SYNPR: variants seen among roughly 807,000 people sequenced by gnomAD.
The protein encoded by SYNPR is synaptoporin.
Under a neutral mutation model 32.9 loss-of-function variants are expected in SYNPR, and 23 were observed. That is an observed-to-expected ratio of 0.70 (90% CI 0.50 to 0.99). SYNPR has a LOEUF of 0.99. Among genes scored for constraint, SYNPR ranks in the 50% least tolerant of loss-of-function variants. SYNPR has a pLI of 0.00. For missense variants in SYNPR, 318 were observed against 349.3 expected, an observed-to-expected ratio of 0.91 and a Z score of 0.71; for synonymous variants, 146 against 135.9, an observed-to-expected ratio of 1.07 and a Z score of -0.52.
intron 2 of SYNPR, among the ~76,000 whole-genome samples, chr3:63,454,624 G>T (rs909840745): frequency 1.3e-5 from 2 of 152,094 alleles, no homozygotes; most frequent in African/African-American, 4.8e-5. Context: ...GGATGTGGGA[G>T]ACACAGACAA....
intron 3 of SYNPR, among the ~76,000 whole-genome samples, chr3:63,550,969 G>A (rs370662619): frequency 1.3e-5 from 2 of 151,992 alleles, no homozygotes; most frequent in Non-Finnish European, 2.9e-5. Flanking sequence ...CATGTGTTAC[G>A]CCCTTTGCCT....
At chr3:63,594,644 G>A (rs1019054751) in intron 4 of SYNPR, among the ~76,000 whole-genome samples, 1 of 152,044 alleles carries the variant, frequency 6.6e-6, no homozygotes, top group Non-Finnish European at 1.5e-5. Flanking sequence ...ACCCCAAAAG[G>A]GTTGTTAGGA....
At chr3:63,444,304 A>G (rs1407008535) in intron 2 of SYNPR, 2 of 152,206 alleles carry the variant, frequency 1.3e-5, no homozygotes, top group Non-Finnish European at 2.9e-5. Context: ...TCGAGAGTAA[A>G]AGATGCTCTG....
rs542595942 is a variant in SYNPR, at chr3:63,295,176, G to A, written c.84+16434G>A. Among the ~76,000 whole-genome samples the A allele has an allele frequency of 2.6e-5, 4 of 152,242 alleles. No individual in the cohort carries two copies. The East Asian group carries it at 7.7e-4, about 29-fold the overall frequency. ...TCGCTTAGCCTCTGCCTCACATATTGCTATTTTGGGCTATGTCGGCCTCCC... is the reference window on the plus strand; with the variant it reads ...TCGCTTAGCCTCTGCCTCACATATTACTATTTTGGGCTATGTCGGCCTCCC... On this transcript the variant is annotated intron_variant, in intron 2 of 5. Coordinates refer to ENST00000478300, the MANE Select transcript of SYNPR (RefSeq NM_001130003.2).
intron 3 of SYNPR, among the ~76,000 whole-genome samples, chr3:63,511,552 A>G (rs550012636): frequency 6.6e-6 from 1 of 152,294 alleles, no homozygotes; most frequent in South Asian, 2.1e-4. Flanking sequence ...GAGAACTAGG[A>G]CGAGCTTGTG....
intron 2 of SYNPR, among the ~76,000 whole-genome samples, chr3:63,371,037 C>A (rs1313688791): frequency 1.3e-5 from 2 of 152,124 alleles, no homozygotes; most frequent in East Asian, 3.9e-4. Context: ...TTCAGGTGGA[C>A]ACATTGCGAT....
intron 2 of SYNPR, among the ~76,000 whole-genome samples, chr3:63,374,942 T>TATA (rs1450962950): frequency 6.6e-6 from 1 of 152,218 alleles, no homozygotes; most frequent in Admixed American, 6.5e-5. Flanking sequence ...CATTGGCCTA[T>TATA]ATATCTGTTT....
intron 3 of SYNPR, among the ~76,000 whole-genome samples, chr3:63,484,130 G>A (rs1057411532): frequency 2.6e-5 from 4 of 152,160 alleles, no homozygotes; most frequent in African/African-American, 9.6e-5. Flanking sequence ...ATGCCGAAGT[G>A]CATATCTCCT....
intron 4 of SYNPR, among the ~76,000 whole-genome samples, chr3:63,607,562 G>A (rs1036778287): frequency 3.3e-5 from 5 of 152,146 alleles, no homozygotes; most frequent in Admixed American, 2.6e-4. Flanking sequence ...AAAGTAAAAA[G>A]AAGAAAGGGA....
chr3:63,237,536 G>A (rs991645737), intron 1 of SYNPR, among the ~76,000 whole-genome samples: 1 of 151,944 alleles, frequency 6.6e-6, no homozygotes, highest in Admixed American at 6.6e-5. Flanking sequence ...GATTTATCGC[G>A]GTGGGCGTTG....
Position 63,533,179 on chromosome 3 carries a change from G to T in SYNPR, c.210-23364G>T, listed in dbSNP as rs138889269. ...TTGTGTTTCTAGGATCTGGGACAGG[G>T]TATGGTGTGTCCTTAATAGACATTT... is the stretch of plus-strand genomic sequence containing the variant. On this transcript the variant is annotated intron_variant, in intron 3 of 5. Transcript: ENST00000478300. Among the ~76,000 whole-genome samples the T allele has an allele frequency of 2.8e-3, 420 of 152,288 alleles. 1 individual carries two copies. Among genetic ancestry groups the T allele is most frequent in the African/African-American group, 9.5e-3 (394 of 41,574 alleles).
At chr3:63,513,382 G>T (rs1701734651) in intron 3 of SYNPR, among the ~76,000 whole-genome samples, 1 of 151,836 alleles carries the variant, frequency 6.6e-6, no homozygotes, top group Admixed American at 6.6e-5. Flanking sequence ...CTTATATTTT[G>T]TTCTGTGACT....
intron 2 of SYNPR, among the ~76,000 whole-genome samples, chr3:63,391,612 C>T (rs1417666795): frequency 1.3e-5 from 2 of 152,146 alleles, no homozygotes; most frequent in African/African-American, 2.4e-5. Flanking sequence ...AGGTATGATA[C>T]ATACTATACT....
At chr3:63,390,461 A>T (rs1189362694) in intron 2 of SYNPR, among the ~76,000 whole-genome samples, 1 of 152,196 alleles carries the variant, frequency 6.6e-6, no homozygotes, top group Non-Finnish European at 1.5e-5. Flanking sequence ...CCCTAAAAGA[A>T]GATAGGGTGT....
At chr3:63,252,985 G>A (rs2086346789) in intron 2 of SYNPR, among the ~76,000 whole-genome samples, 1 of 150,076 alleles carries the variant, frequency 6.7e-6, no homozygotes, top group Non-Finnish European at 1.5e-5. Context: ...GTTGCAGTGA[G>A]CTGAGATTAT....
At chr3:63,347,090 T>C (rs1006552291) in intron 2 of SYNPR, among the ~76,000 whole-genome samples, 10 of 152,206 alleles carry the variant, frequency 6.6e-5, no homozygotes, top group African/African-American at 2.4e-4. Context: ...TTAACTGAGA[T>C]AATGTAACTA....
At chr3:63,472,518 C>G (rs879647719) in intron 2 of SYNPR, among the ~76,000 whole-genome samples, 14 of 152,090 alleles carry the variant, frequency 9.2e-5, no homozygotes, top group Non-Finnish European at 1.6e-4. Context: ...TATTCAGTTA[C>G]ACAGTGCTAA....
chr3:63,582,926 G>A (rs1166997548), intron 4 of SYNPR, among the ~76,000 whole-genome samples: 7 of 152,044 alleles, frequency 4.6e-5, no homozygotes, highest in African/African-American at 9.7e-5. Flanking sequence ...ACGCGTGTCC[G>A]TATAGAAGAC....
chr3:63,267,875 T>C (rs563013210), intron 3 of SYNPR, among the ~76,000 whole-genome samples: 4 of 152,114 alleles, frequency 2.6e-5, no homozygotes, highest in Non-Finnish European at 5.9e-5. Flanking sequence ...GAAACTTCCC[T>C]CCCTGAGTCC....
Sources: allele counts gnomAD v4.1 joint callset (sites outside exome capture counted in the v4.1 genomes callset), GRCh38; gene constraint gnomAD v4.1.1; transcripts MANE v1.5; gene names NCBI Gene and HGNC (gene_info 2026-07-23, HGNC 2026-07-21).